Variants in PSMD2 observed in about 807,000 individuals in gnomAD.
PSMD2 encodes the protein 26S proteasome non-ATPase regulatory subunit 2.
Under a neutral mutation model 101.5 loss-of-function variants are expected in PSMD2, and 8 were observed. The observed-to-expected ratio is 0.08, with a 90% CI of 0.05 to 0.14. The LOEUF is 0.14. Among genes scored for constraint, PSMD2 ranks in the 10% least tolerant of loss-of-function variants. The probability of loss-of-function intolerance (pLI) is 1.00; values close to 1 mark genes in which losing one functional copy is unlikely to be tolerated. For missense variants in PSMD2, 784 were observed against 1,147.4 expected (o/e 0.68, Z 4.58); for synonymous variants, 418 against 433.8 (o/e 0.96, Z 0.45).
rs746015929 is a variant in PSMD2, at chr3:184,308,901, G to C, written c.*11G>C. Reference sequence around the variant, plus strand: ...AATTATGATCTCTAAGTGACCACCAGGGGCTCTGAACTGCAGCTGATGTTA... The same window carrying C: ...AATTATGATCTCTAAGTGACCACCACGGGCTCTGAACTGCAGCTGATGTTA... On this transcript the variant is annotated 3_prime_UTR_variant, in exon 21 of 21. Transcript: ENST00000310118. This position sits in a 1 kb window ranked among gnomAD's most constrained non-coding sequence, Gnocchi z 6.0. 6 of 1,609,246 alleles carry C rather than the reference G, an allele frequency of 3.7e-6. No individual in the cohort carries two copies.
chr3:184,304,801 G>A lies in PSMD2; in HGVS notation c.1539+410G>A, dbSNP rs1360351584. ...AGCTACTAGGGAAGCTGAGGTGGGAGAATTGCTTGAACCCAGAGGTGGAGG... is the reference window on the plus strand; with the variant it reads ...AGCTACTAGGGAAGCTGAGGTGGGAAAATTGCTTGAACCCAGAGGTGGAGG... On this transcript the variant is annotated intron_variant, in intron 12 of 20. Transcript: ENST00000310118. The surrounding 1 kb of genome is among the most constrained non-coding windows in gnomAD (Gnocchi z 4.1). Among the ~76,000 whole-genome samples the A allele has an allele frequency of 1.3e-5, 2 of 152,150 alleles. No individual in the cohort carries two copies. Among genetic ancestry groups the A allele is most frequent in the Non-Finnish European group, 2.9e-5 (2 of 68,030 alleles).
chr3:184,308,609 A>C lies in PSMD2; in HGVS notation c.2544+42A>C. 6.3e-7 allele frequency: 1 copy of C among 1,589,672 alleles called. No individual in the cohort carries two copies. Among genetic ancestry groups the C allele is most frequent in the Non-Finnish European group, 8.6e-7 (1 of 1,159,636 alleles). On this transcript the variant is annotated intron_variant, in intron 20 of 20. Coordinates refer to ENST00000310118, the MANE Select transcript of PSMD2 (RefSeq NM_002808.5). The surrounding 1 kb of genome is among the most constrained non-coding windows in gnomAD (Gnocchi z 6.0). ...AGGGGAGGGCTCAGGCTGTATTCTC[A>C]AACTGGAGAATGTACATATACTTGC...
At chr3:184,300,009 GGTCA>G (rs1338430463) in intron 2 of PSMD2, 102 bp downstream of exon 2, 2 of 1,120,768 alleles carry the variant, frequency 1.8e-6, no homozygotes, top group Non-Finnish European at 2.7e-6. Flanking sequence ...TGTATTTTAG[GGTCA>G]GTGTTATGAT....
intron 5 of PSMD2, 131 bp from the exon 6 acceptor site, chr3:184,302,239 A>C: frequency 8.5e-7 from 1 of 1,171,430 alleles, no homozygotes; most frequent in Non-Finnish European, 1.2e-6. Flanking sequence ...GTGTCTTCTT[A>C]GTAGTTCTAA....
Position 184,301,538 on chromosome 3 carries a change from G to T in PSMD2, c.359G>T (p.Arg120Leu), listed in dbSNP as rs148261898. The change falls in exon 4 of 21, where the codon CGT (arginine) becomes CTT (leucine). Residue 120 changes from arginine (R) to leucine (L), a missense_variant and splice_region_variant. Physicochemically the swap from Arg to Leu is moderately radical, Grantham distance 102. Transcript: ENST00000310118. Reference sequence around the variant, plus strand: ...TTCAAAGAACTCTTTTCTTTATAGCGTTTTGCTGCTGACATCATCTCCGTT... The same window carrying T: ...TTCAAAGAACTCTTTTCTTTATAGCTTTTTGCTGCTGACATCATCTCCGTT... ...YENMAPGENK[R>L]FAADIISVLA... is the part of the protein sequence containing the mutation. The T allele has an allele frequency of 6.2e-7, 1 of 1,613,562 alleles. No homozygotes were observed.
chr3:184,304,337 A>G lies in PSMD2; in HGVS notation c.1485A>G (p.Glu495=), dbSNP rs947455748. ...TGGCTTATGCTGGCTCAAATCGTGA[A>G]GATGTCCTAACACTGCTGCTGCCTG... ...LGLAYAGSNR[E]DVLTLLLPVM... The change falls in exon 12 of 21, where the codon GAA becomes GAG. Residue 495 remains glutamate, a synonymous_variant. Transcript: ENST00000310118. The surrounding 1 kb of genome is among the most constrained non-coding windows in gnomAD (Gnocchi z 4.1). The G allele has an allele frequency of 1.9e-6, 3 of 1,614,118 alleles. No homozygotes were observed. In the East Asian group the frequency reaches 6.7e-5, roughly 36 times the overall value.
Position 184,302,083 on chromosome 3 carries a change from T to C in PSMD2, c.704+12T>C, listed in dbSNP as rs946508811. 2.4e-5 allele frequency: 39 copies of C among 1,612,408 alleles called. No individual in the cohort carries two copies. Among genetic ancestry groups the C allele is most frequent in the Non-Finnish European group, 3.1e-5 (37 of 1,178,676 alleles). ...CTTTATCTCACCAGGTGAGTGAACA[T>C]GGTAGGGAAGGGTGGCAGGCATGCC... On this transcript the variant is annotated intron_variant, in intron 5 of 20. Coordinates refer to ENST00000310118, the MANE Select transcript of PSMD2 (RefSeq NM_002808.5).
Position 184,301,575 on chromosome 3 carries a change from C to T in PSMD2, c.396C>T (p.Thr132=). The T allele has an allele frequency of 6.2e-7, 1 of 1,614,016 alleles. No individual in the cohort carries two copies. ...AADIISVLAM[T]MSGERECLKY... ...ACATCATCTCCGTTTTGGCCATGAC[C>T]ATGAGTGGGGAGCGTGAGTGCCTCA... is the stretch of plus-strand genomic sequence containing the variant. The change falls in exon 4 of 21, where the codon ACC becomes ACT. Residue 132 remains threonine, a synonymous_variant. Transcript: ENST00000310118.
Position 184,307,668 on chromosome 3 carries a change from C to G in PSMD2, c.2258C>G (p.Ala753Gly). The G allele has an allele frequency of 6.2e-7, 1 of 1,614,124 alleles. No individual in the cohort carries two copies. The highest frequency in any genetic ancestry group is 8.5e-7 in the Non-Finnish European group (1 of 1,180,018). Residue 753 changes from alanine to glycine, a missense_variant, in exon 18 of 21, where the codon GCC becomes GGC. Ala to Gly is a moderately conservative substitution (Grantham distance 60). Around this residue, in one of 6 missense-constraint regions of PSMD2, gnomAD observed 282 missense variants for 437.6 expected, o/e 0.64. Coordinates refer to ENST00000310118, the MANE Select transcript of PSMD2 (RefSeq NM_002808.5). ...CTGCGCCAGTTAGCTCAATATCATG[C>G]CAAGGACCCAAACAACCTCTTCATG... ...AMLRQLAQYH[A>G]KDPNNLFMVR...
rs763740594 is a variant in PSMD2 at position 184,308,519 on chromosome 3, G to A, written c.2496G>A (p.Thr832=). 1.2e-5 allele frequency: 20 copies of A among 1,613,430 alleles called. No homozygotes were observed. Among genetic ancestry groups the A allele is most frequent in the Admixed American group, 5.0e-5 (3 of 60,000 alleles). The change falls in exon 20 of 21, where the codon ACG becomes ACA. Residue 832 remains threonine (T), a synonymous_variant. Transcript: ENST00000310118. This position sits in a 1 kb window ranked among gnomAD's most constrained non-coding sequence, Gnocchi z 6.0. ...CCATGCAGCCCCGAATGCTGGTTAC[G>A]TTTGATGAGGAGCTGCGGCCATTGC... ...VAAMQPRMLV[T]FDEELRPLPV...
intron 12 of PSMD2, among the ~76,000 whole-genome samples, chr3:184,305,319 T>A (rs558991469): frequency 2.0e-5 from 3 of 152,202 alleles, no homozygotes; most frequent in African/African-American, 7.2e-5. Flanking sequence ...TGAAACCCTG[T>A]CTCTATTAAA....
chr3:184,300,655 T>G (rs1004112123), intron 3 of PSMD2: 2 of 1,341,710 alleles, frequency 1.5e-6, no homozygotes, highest in Non-Finnish European at 9.5e-7. Flanking sequence ...TATTGGACTT[T>G]GGGGTTTCAT....
In PSMD2 at chr3:184,305,908, T is replaced by C; in HGVS notation, c.1680T>C (p.Leu560=). 1 of 1,614,200 alleles carries C rather than the reference T, an allele frequency of 6.2e-7. No homozygotes were observed. Residue 560 remains leucine (L), a synonymous_variant, in exon 13 of 21, where the codon CTT becomes CTC. Transcript: ENST00000310118. ...LKDTYARWLP[L]GLGLNHLGKG... is the part of the protein sequence containing the mutation. ...ATACTTATGCTCGTTGGCTTCCTCTTGGACTGGGTCTCAACCACCTGGGTG... is the reference window on the plus strand; with the variant it reads ...ATACTTATGCTCGTTGGCTTCCTCTCGGACTGGGTCTCAACCACCTGGGTG...
intron 1 of PSMD2, 74 bp downstream of exon 1, chr3:184,299,475 C>G: frequency 2.3e-6 from 3 of 1,308,182 alleles, no homozygotes; most frequent in Non-Finnish European, 2.9e-6. Flanking sequence ...GCCTCAGGCC[C>G]GACACCCAAC....
At position 184,302,676 on chromosome 3, in the gene PSMD2, C is replaced by T. The variant is rs1162216094; in HGVS notation, c.864-3C>T. ...TGAGCAGATGTACGGGCTCTCTCCA[C>T]AGGGTAGTACAGAAACAGATGGCAT... On this transcript the variant is annotated splice_region_variant and splice_polypyrimidine_tract_variant and intron_variant, in intron 6 of 20. Coordinates refer to ENST00000310118, the MANE Select transcript of PSMD2 (RefSeq NM_002808.5). 2 of 1,613,894 alleles carry T rather than the reference C, an allele frequency of 1.2e-6. No homozygotes were observed. Among genetic ancestry groups the T allele is most frequent in the African/African-American group, 2.7e-5 (2 of 74,874 alleles).
At chr3:184,299,468 T>C in intron 1 of PSMD2, 67 bp downstream of exon 1, 1 of 1,310,400 alleles carries the variant, frequency 7.6e-7, no homozygotes. Flanking sequence ...TCCGCAGGCC[T>C]CAGGCCCGAC....
chr3:184,300,451 CTG>C lies in PSMD2; in HGVS notation c.357+9_357+10del. 1 of 1,611,558 alleles carries C rather than the reference CTG, an allele frequency of 6.2e-7. No homozygotes were observed. The highest frequency in any genetic ancestry group is 8.5e-7 in the Non-Finnish European group (1 of 1,178,880). ...GGCCCCTGGGGAGAATAAGGTAAAA[CTG>C]TTTCAAACCTGGTGGAGGCCTAGTT... On this transcript the variant is annotated splice_region_variant and intron_variant, in intron 3 of 20. Coordinates refer to ENST00000310118, the MANE Select transcript of PSMD2 (RefSeq NM_002808.5).
chr3:184,303,799 A>G (rs965180246), intron 10 of PSMD2, 50 bp downstream of exon 10: 1 of 1,600,226 alleles, frequency 6.2e-7, no homozygotes, highest in Non-Finnish European at 8.6e-7. Context: ...TCCATATTCT[A>G]GTGCCTAGCA....
chr3:184,299,312 T>C lies in PSMD2; in HGVS notation c.46T>C (p.Ser16Pro). The C allele has an allele frequency of 7.1e-7, 1 of 1,400,432 alleles. No homozygotes were observed. The highest frequency in any genetic ancestry group is 9.3e-7 in the Non-Finnish European group (1 of 1,080,590). The allele number at this position is 1,400,432 out of a possible 1,614,324, so 86.8% of individuals were successfully genotyped here. The change falls in exon 1 of 21, where the codon TCT (serine) becomes CCT (proline). Residue 16 changes from serine to proline, a missense_variant. Around this residue, in one of 6 missense-constraint regions of PSMD2, gnomAD observed 196 missense variants for 182.4 expected, o/e 1.07. Transcript: ENST00000310118. The stretch of plus-strand genomic sequence containing the variant: ...CAAGGCGCCGGTGCAGCCCCAGCAG[T>C]CTCCAGCGGCGGCCCCCGGCGGCAC... ...RDKAPVQPQQSPAAAPGGTDE... is the reference protein window; with the variant it reads ...RDKAPVQPQQPPAAAPGGTDE...
Sources: gnomAD v4.1 joint callset for allele counts (sites outside exome capture counted in the v4.1 genomes callset) on GRCh38, gnomAD v4.1.1 for gene constraint, gnomAD v4.1.1 regional missense constraint, Gnocchi (gnomAD v3.1) non-coding constraint, MANE v1.5 for transcripts, NCBI Gene and HGNC (gene_info 2026-07-23, HGNC 2026-07-21) for gene names.